The following NIM1K variants were observed in gnomAD, a reference collection of about 807,000 sequenced individuals.
The protein encoded by NIM1K is NIM1 serine/threonine protein kinase.
NIM1K carries 35 observed loss-of-function variants against 37.1 expected under a neutral mutation model. The ratio of observed to expected loss-of-function variants is 0.94; its 90% confidence interval spans 0.72 to 1.25. NIM1K has a LOEUF of 1.25. Among genes scored for constraint, NIM1K ranks in the 50% most tolerant of loss-of-function variants. The pLI is 0.00. For missense variants in NIM1K, 564 were observed against 548.0 expected (o/e 1.03, Z -0.29); for synonymous variants, 234 against 206.6 (o/e 1.13, Z -1.14).
At chr5:43,237,229 A>G (rs1453103739) in intron 1 of NIM1K, among the ~76,000 whole-genome samples, 1 of 152,254 alleles carries the variant, frequency 6.6e-6, no homozygotes, top group Non-Finnish European at 1.5e-5. Context: ...AGAGAGAACA[A>G]AGGTGAGATG....
At chr5:43,226,180 T>C (rs906350827) in intron 1 of NIM1K, among the ~76,000 whole-genome samples, 3 of 152,244 alleles carry the variant, frequency 2.0e-5, no homozygotes, top group Non-Finnish European at 4.4e-5. Flanking sequence ...AATGCCCTTT[T>C]AAGGGTTTTA....
At chr5:43,217,182 A>G (rs1179414504) in intron 1 of NIM1K, among the ~76,000 whole-genome samples, 1 of 152,118 alleles carries the variant, frequency 6.6e-6, no homozygotes, top group Non-Finnish European at 1.5e-5. Context: ...GTCTTTATAA[A>G]TTTGCCTCTT....
chr5:43,198,183 CTTTCTTTCTTTCTTTCTTTCTTTCTCT>C (rs1561069829), intron 1 of NIM1K, among the ~76,000 whole-genome samples: 1 of 71,332 alleles, frequency 1.4e-5, no homozygotes, highest in African/African-American at 5.4e-5. Context: ...TTCTTTCTTT[CTTTCTTTCTTTCTTTCTTTCTTTCTCT>C]TTCTTTCTTT....
intron 2 of NIM1K, among the ~76,000 whole-genome samples, chr5:43,255,105 A>G (rs1752920847): frequency 6.6e-6 from 1 of 152,218 alleles, no homozygotes; most frequent in African/African-American, 2.4e-5. Flanking sequence ...GGTCAGGTAA[A>G]GCATATACAC....
chr5:43,220,293 CTTT>C (rs70994613), intron 1 of NIM1K, among the ~76,000 whole-genome samples: 8 of 130,416 alleles, frequency 6.1e-5, no homozygotes, highest in Admixed American at 1.6e-4. Flanking sequence ...GTGGGTATCT[CTTT>C]TTTTTTTTTT....
At chr5:43,277,350 C>T in intron 3 of NIM1K, 25 bp downstream of exon 3, 10 of 1,603,846 alleles carry the variant, frequency 6.2e-6, no homozygotes, top group Non-Finnish European at 7.7e-6. Flanking sequence ...CGAGTGAGAA[C>T]CTTGCTCCCA....
intron 1 of NIM1K, among the ~76,000 whole-genome samples, chr5:43,216,873 T>C (rs1462957225): frequency 6.6e-6 from 1 of 152,144 alleles, no homozygotes; most frequent in African/African-American, 2.4e-5. Flanking sequence ...GTGGTCAAGG[T>C]AGGAAAAGGA....
At chr5:43,204,920 C>T (rs1248257240) in intron 1 of NIM1K, among the ~76,000 whole-genome samples, 2 of 152,080 alleles carry the variant, frequency 1.3e-5, no homozygotes, top group South Asian at 2.1e-4. Flanking sequence ...CTCTGGAGCC[C>T]GGGAGGTCGA....
At chr5:43,269,382 T>C (rs373782183) in intron 2 of NIM1K, among the ~76,000 whole-genome samples, 1 of 151,802 alleles carries the variant, frequency 6.6e-6, no homozygotes, top group South Asian at 2.1e-4. Context: ...AGAACATCTT[T>C]TCCCACCCCT....
intron 2 of NIM1K, among the ~76,000 whole-genome samples, chr5:43,249,515 T>G (rs1201470620): frequency 6.6e-6 from 1 of 152,214 alleles, no homozygotes; most frequent in Non-Finnish European, 1.5e-5. Flanking sequence ...GGTAACTGAT[T>G]GGATGTAGAA....
In NIM1K at chr5:43,255,224, C is replaced by T. The variant is rs544847320; in HGVS notation, c.292+9157C>T. 3.9e-5 allele frequency among the ~76,000 whole-genome samples: 6 copies of T among 152,170 alleles called. No individual in the cohort carries two copies. In the South Asian group the frequency reaches 6.2e-4, roughly 16 times the overall value. On this transcript the variant is annotated intron_variant, in intron 2 of 3. Transcript: ENST00000326035. The stretch of plus-strand genomic sequence containing the variant: ...AGTGAAAAGCCAGGTGCAAATGGAG[C>T]GCACACTATTATGATAATACTTACT...
chr5:43,267,890 A>G (rs1468090838), intron 2 of NIM1K, among the ~76,000 whole-genome samples: 1 of 152,184 alleles, frequency 6.6e-6, no homozygotes, highest in Non-Finnish European at 1.5e-5. Flanking sequence ...GTTGGAATAT[A>G]TTCCATGTGC....
chr5:43,216,576 G>A (rs946825868), intron 1 of NIM1K, among the ~76,000 whole-genome samples: 2 of 152,202 alleles, frequency 1.3e-5, no homozygotes, highest in African/African-American at 4.8e-5. Context: ...TGGTAACTGC[G>A]GACAAGTCAT....
At chr5:43,252,951 T>C (rs1752886098) in intron 2 of NIM1K, among the ~76,000 whole-genome samples, 1 of 151,396 alleles carries the variant, frequency 6.6e-6, no homozygotes, top group South Asian at 2.1e-4. Context: ...TATTTATCTA[T>C]TAATTCATTC....
At chr5:43,218,171 C>T (rs1390832608) in intron 1 of NIM1K, among the ~76,000 whole-genome samples, 5 of 151,296 alleles carry the variant, frequency 3.3e-5, no homozygotes, top group Admixed American at 6.6e-5. Context: ...CCACCATGCC[C>T]GGCTAATTTT....
chr5:43,197,925 C>T (rs561447382), intron 1 of NIM1K, among the ~76,000 whole-genome samples: 5 of 152,140 alleles, frequency 3.3e-5, no homozygotes, highest in East Asian at 1.9e-4. Context: ...ACATGGAGGA[C>T]GGAGCTTAAA....
intron 2 of NIM1K, among the ~76,000 whole-genome samples, chr5:43,266,869 A>G (rs1200636105): frequency 6.6e-6 from 1 of 151,986 alleles, no homozygotes; most frequent in African/African-American, 2.4e-5. Context: ...TTTGTTGAGG[A>G]CTTTTGCATC....
intron 1 of NIM1K, chr5:43,206,681 C>G: frequency 2.9e-6 from 2 of 692,170 alleles, no homozygotes; most frequent in Non-Finnish European, 5.4e-6. Flanking sequence ...AGGCCACTCC[C>G]CCAGGTATGG....
At chr5:43,269,166 C>G (rs962607125) in intron 2 of NIM1K, among the ~76,000 whole-genome samples, 2 of 8,474 alleles carry the variant, frequency 2.4e-4, no homozygotes, top group African/African-American at 7.3e-4. Context: ...AAAACATTAG[C>G]CAGGCATGGT....
Sources: allele counts gnomAD v4.1 joint callset (sites outside exome capture counted in the v4.1 genomes callset), GRCh38; gene constraint gnomAD v4.1.1; transcripts MANE v1.5; gene names NCBI Gene and HGNC (gene_info 2026-07-23, HGNC 2026-07-21).